ADGRB3: variants seen among roughly 807,000 people sequenced by gnomAD.
ADGRB3 encodes brain-specific angiogenesis inhibitor 3.
A neutral mutation model predicts 193.4 loss-of-function variants in ADGRB3; 37 were observed. The observed-to-expected ratio is 0.19, with a 90% CI of 0.15 to 0.25. The LOEUF (loss-of-function observed/expected upper bound fraction) is 0.25. ADGRB3 is among the 10% of genes least tolerant of loss of function. ADGRB3 has a pLI of 1.00. For synonymous variants in ADGRB3, 690 were observed against 644.2 expected, an observed-to-expected ratio of 1.07 and a Z score of -1.08; for missense variants, 1,637 against 1,852.9, an observed-to-expected ratio of 0.88 and a Z score of 2.14.
intron 3 of ADGRB3, among the ~76,000 whole-genome samples, chr6:68,745,847 C>T (rs568329930): frequency 6.6e-6 from 1 of 152,102 alleles, no homozygotes; most frequent in East Asian, 1.9e-4. Context: ...TTCCACTTCA[C>T]AATATAACAC....
intron 3 of ADGRB3, among the ~76,000 whole-genome samples, chr6:68,840,402 T>TTTTTTTTTTTC (rs1768131355): frequency 1.0e-5 from 1 of 96,002 alleles, no homozygotes; most frequent in Non-Finnish European, 2.2e-5. Context: ...TTTTTTTTTT[T>TTTTTTTTTTTC]TTTTTTGAGA....
chr6:68,963,338 A>G (rs1172871998), intron 8 of ADGRB3, among the ~76,000 whole-genome samples: 2 of 152,144 alleles, frequency 1.3e-5, no homozygotes, highest in African/African-American at 4.8e-5. Flanking sequence ...CCATATTATG[A>G]CAACACCTGC....
chr6:69,228,951 C>T (rs1255524180), intron 17 of ADGRB3, among the ~76,000 whole-genome samples: 1 of 152,146 alleles, frequency 6.6e-6, no homozygotes, highest in Admixed American at 6.6e-5. Context: ...CCTGACTGCA[C>T]ACTAAAATCA....
Position 69,324,977 on chromosome 6 carries a change from A to C in ADGRB3, c.2920A>C (p.Ile974Leu). The change falls in exon 21 of 32, where the codon ATT (isoleucine) becomes CTT (leucine). Residue 974 changes from isoleucine to leucine, a missense_variant. This residue lies in a region of ADGRB3 where 87 missense variants were observed against 161.0 expected (regional missense o/e 0.54). Transcript: ENST00000370598. ...ATCATATATGGCTGTAACTGGAAAAATTAGGACACGGCTTATAAGAAAACG... is the reference window on the plus strand; with the variant it reads ...ATCATATATGGCTGTAACTGGAAAACTTAGGACACGGCTTATAAGAAAACG... ...WQSYMAVTGK[I>L]RTRLIRKRFL... 6.2e-7 allele frequency: 1 copy of C among 1,613,952 alleles called. No homozygotes were observed. The highest frequency in any genetic ancestry group is 1.7e-5 in the Admixed American group (1 of 60,006).
At chr6:68,954,851 T>C (rs1488718930) in intron 6 of ADGRB3, among the ~76,000 whole-genome samples, 1 of 151,966 alleles carries the variant, frequency 6.6e-6, no homozygotes, top group Non-Finnish European at 1.5e-5. Flanking sequence ...CGGCTAATTT[T>C]TTTGTATTTT....
intron 17 of ADGRB3, among the ~76,000 whole-genome samples, chr6:69,183,603 T>C (rs1175062871): frequency 6.6e-6 from 1 of 152,078 alleles, no homozygotes; most frequent in Non-Finnish European, 1.5e-5. Flanking sequence ...TCAGAACACA[T>C]GGCCAGATTA....
intron 3 of ADGRB3, among the ~76,000 whole-genome samples, chr6:68,812,723 G>T (rs549000819): frequency 1.3e-5 from 2 of 151,376 alleles, no homozygotes; most frequent in African/African-American, 2.4e-5. Context: ...TGTGCAGAAC[G>T]TGCAGGTTTG....
At chr6:69,090,993 GACACTTCTAAAAAGACAT>G (rs1772688755) in intron 17 of ADGRB3, among the ~76,000 whole-genome samples, 1 of 152,146 alleles carries the variant, frequency 6.6e-6, no homozygotes, top group African/African-American at 2.4e-5. Flanking sequence ...AAAATGAACA[GACACTTCTAAAAAGACAT>G]ACATGCAGCC....
chr6:68,685,297 G>GA (rs1193357354), intron 3 of ADGRB3, among the ~76,000 whole-genome samples: 1 of 152,092 alleles, frequency 6.6e-6, no homozygotes, highest in Non-Finnish European at 1.5e-5. Context: ...TGAATTAAAT[G>GA]TAATTGTATA....
At chr6:68,791,988 T>TCA (rs1767116630) in intron 3 of ADGRB3, among the ~76,000 whole-genome samples, 1 of 152,152 alleles carries the variant, frequency 6.6e-6, no homozygotes, top group Admixed American at 6.6e-5. Flanking sequence ...CAGGGCAGTG[T>TCA]CAGTATAACC....
At chr6:69,014,651 A>G (rs543130784) in intron 12 of ADGRB3, among the ~76,000 whole-genome samples, 1 of 152,028 alleles carries the variant, frequency 6.6e-6, no homozygotes, top group African/African-American at 2.4e-5. Flanking sequence ...AATGCTTTGC[A>G]TAGCCATTTG....
At chr6:69,052,087 A>C (rs1018435344) in intron 15 of ADGRB3, among the ~76,000 whole-genome samples, 14 of 152,048 alleles carry the variant, frequency 9.2e-5, no homozygotes, top group Admixed American at 2.6e-4. Flanking sequence ...ATGGGGTTTC[A>C]CCATGTTAGC....
At chr6:69,018,990 T>TATTGG (rs1770181231) in intron 13 of ADGRB3, among the ~76,000 whole-genome samples, 2 of 151,980 alleles carry the variant, frequency 1.3e-5, no homozygotes, top group Admixed American at 6.6e-5. Context: ...CTTCCAGGGT[T>TATTGG]AAGATGATGG....
intron 3 of ADGRB3, among the ~76,000 whole-genome samples, chr6:68,890,502 T>A (rs1459708342): frequency 6.6e-6 from 1 of 152,174 alleles, no homozygotes; most frequent in African/African-American, 2.4e-5. Context: ...CAAGAGAGAG[T>A]ATTTCCTTAT....
intron 3 of ADGRB3, among the ~76,000 whole-genome samples, chr6:68,736,403 C>T (rs7761974): frequency 0.035 from 5,330 of 152,196 alleles, 294 homozygotes; most frequent in African/African-American, 0.12. Flanking sequence ...TATTAAGTGG[C>T]ACTCTACTTA....
At chr6:69,066,325 C>T (rs1771908207) in intron 16 of ADGRB3, among the ~76,000 whole-genome samples, 1 of 151,074 alleles carries the variant, frequency 6.6e-6, no homozygotes, top group South Asian at 2.1e-4. Context: ...ATCCGTTATA[C>T]TTTCAGGAAA....
intron 3 of ADGRB3, among the ~76,000 whole-genome samples, chr6:68,901,195 C>A (rs967566082): frequency 7.9e-5 from 12 of 152,160 alleles, no homozygotes; most frequent in Middle Eastern, 3.4e-3. Context: ...CAAGAGGTTG[C>A]CTTTGGCCAG....
At chr6:69,041,463 T>C (rs1771070012) in intron 13 of ADGRB3, among the ~76,000 whole-genome samples, 1 of 152,146 alleles carries the variant, frequency 6.6e-6, no homozygotes, top group Non-Finnish European at 1.5e-5. Context: ...CTTTTATACA[T>C]AGTAGAAAAT....
intron 3 of ADGRB3, among the ~76,000 whole-genome samples, chr6:68,888,200 G>A (rs1004213439): frequency 2.0e-5 from 3 of 152,126 alleles, no homozygotes; most frequent in East Asian, 3.8e-4. Context: ...AGGGTAGGAA[G>A]AAAATGTTTA....
Sources: gnomAD v4.1 joint callset for allele counts (sites outside exome capture counted in the v4.1 genomes callset) on GRCh38, gnomAD v4.1.1 for gene constraint, gnomAD v4.1.1 regional missense constraint, MANE v1.5 for transcripts, NCBI Gene and HGNC (gene_info 2026-07-23, HGNC 2026-07-21) for gene names.